The following ADAMTS3 variants were observed in gnomAD, a reference collection of about 807,000 sequenced individuals.
ADAMTS3 encodes the protein ADAM metallopeptidase with thrombospondin type 1 motif 3, also known as A disintegrin and metalloproteinase with thrombospondin motifs 3.
A neutral mutation model predicts 129.0 loss-of-function variants in ADAMTS3; 73 were observed. The ratio of observed to expected loss-of-function variants is 0.57; its 90% CI spans 0.47 to 0.69. ADAMTS3 has a LOEUF of 0.69. Among genes scored for constraint, ADAMTS3 ranks in the 30% least tolerant of loss-of-function variants. The pLI, the probability that ADAMTS3 is intolerant of heterozygous loss-of-function variation, is 0.00. For missense variants in ADAMTS3, 1,457 were observed against 1,514.5 expected, an observed-to-expected ratio of 0.96 and a Z score of 0.63; for synonymous variants, 477 against 510.8, an observed-to-expected ratio of 0.93 and a Z score of 0.89.
chr4:72,287,485 G>T (rs1450780051), intron 21 of ADAMTS3, among the ~76,000 whole-genome samples: 1 of 151,006 alleles, frequency 6.6e-6, no homozygotes, highest in African/African-American at 2.4e-5. Context: ...AAGGGAGACA[G>T]ACACATGGAA....
intron 3 of ADAMTS3, among the ~76,000 whole-genome samples, chr4:72,479,538 T>A (rs940622978): frequency 6.6e-6 from 1 of 152,178 alleles, no homozygotes; most frequent in African/African-American, 2.4e-5. Flanking sequence ...TATATAAAAG[T>A]TAACTCAAGA....
At chr4:72,448,433 C>G (rs1322630183) in intron 3 of ADAMTS3, among the ~76,000 whole-genome samples, 3 of 151,626 alleles carry the variant, frequency 2.0e-5, no homozygotes, top group African/African-American at 7.3e-5. Context: ...CTCTTAACAC[C>G]AAAGCATCGG....
chr4:72,386,712 A>G (rs1193782501), intron 4 of ADAMTS3, among the ~76,000 whole-genome samples: 4 of 152,138 alleles, frequency 2.6e-5, no homozygotes, highest in Admixed American at 2.6e-4. Context: ...AACTTTTCCA[A>G]CACTCTACAT....
chr4:72,333,453 T>A (rs888067578), intron 5 of ADAMTS3, among the ~76,000 whole-genome samples: 6 of 152,182 alleles, frequency 3.9e-5, no homozygotes, highest in African/African-American at 1.4e-4. Context: ...AAACTATCTA[T>A]TATTACTGCA....
At chr4:72,359,617 T>C (rs187465528) in intron 4 of ADAMTS3, among the ~76,000 whole-genome samples, 7 of 152,098 alleles carry the variant, frequency 4.6e-5, no homozygotes, top group African/African-American at 1.2e-4. Context: ...TGGACTCCAT[T>C]TGAATATGAA....
chr4:72,312,516 T>C lies in ADAMTS3; in HGVS notation c.1746-50A>G, dbSNP rs200306460. On this transcript the variant is annotated intron_variant, in intron 12 of 21. Coordinates refer to ENST00000286657, the MANE Select transcript of ADAMTS3 (RefSeq NM_014243.3). Reference sequence around the variant, plus strand: ...AGGCCTTTTGGCTTCTGTCTAGCAGTTGAAGCTTGCAGACACAGTGCTTGA... The same window carrying C: ...AGGCCTTTTGGCTTCTGTCTAGCAGCTGAAGCTTGCAGACACAGTGCTTGA... 3 of 1,585,384 alleles carry C rather than the reference T, an allele frequency of 1.9e-6. No individual in the cohort carries two copies. The African/African-American group carries it at 4.0e-5, about 21-fold the overall frequency.
At chr4:72,475,498 G>A (rs1042099217) in intron 3 of ADAMTS3, among the ~76,000 whole-genome samples, 2 of 151,734 alleles carry the variant, frequency 1.3e-5, no homozygotes, top group African/African-American at 4.8e-5. Context: ...CAACAGAGAC[G>A]CAAAACATAT....
At chr4:72,487,167 G>C (rs1388481857) in intron 3 of ADAMTS3, among the ~76,000 whole-genome samples, 1 of 152,066 alleles carries the variant, frequency 6.6e-6, no homozygotes, top group African/African-American at 2.4e-5. Flanking sequence ...TCAACTCTTA[G>C]ATCATTAAAT....
chr4:72,417,502 A>C (rs1227483960), intron 3 of ADAMTS3, among the ~76,000 whole-genome samples: 1 of 152,218 alleles, frequency 6.6e-6, no homozygotes, highest in Non-Finnish European at 1.5e-5. Context: ...GAAAGCAAAG[A>C]AAATTTAAGT....
chr4:72,541,313 G>A (rs968766464), intron 3 of ADAMTS3, among the ~76,000 whole-genome samples: 2 of 152,196 alleles, frequency 1.3e-5, no homozygotes, highest in African/African-American at 4.8e-5. Flanking sequence ...TGGAATGGGT[G>A]TATTTACCCA....
intron 3 of ADAMTS3, among the ~76,000 whole-genome samples, chr4:72,462,057 A>G (rs533835253): frequency 4.3e-4 from 66 of 152,048 alleles, no homozygotes; most frequent in Non-Finnish European, 6.6e-4. Context: ...CTGGCCTCAC[A>G]TAACTCACAC....
chr4:72,336,366 A>G (rs1286355971), intron 5 of ADAMTS3, among the ~76,000 whole-genome samples: 1 of 152,246 alleles, frequency 6.6e-6, no homozygotes, highest in Admixed American at 6.5e-5. Flanking sequence ...ATGAGAAATC[A>G]TAAAGCATGG....
chr4:72,492,784 A>T (rs1236417429), intron 3 of ADAMTS3, among the ~76,000 whole-genome samples: 1 of 151,818 alleles, frequency 6.6e-6, no homozygotes, highest in Non-Finnish European at 1.5e-5. Context: ...TGTTCCACCT[A>T]TTCTTGTAAA....
intron 18 of ADAMTS3, among the ~76,000 whole-genome samples, chr4:72,296,616 G>T (rs547785992): frequency 3.9e-4 from 59 of 151,934 alleles, no homozygotes; most frequent in African/African-American, 1.3e-3. Context: ...ATATAATTTT[G>T]CTGAACCATT....
intron 10 of ADAMTS3, among the ~76,000 whole-genome samples, chr4:72,318,006 G>T (rs1336333542): frequency 6.6e-6 from 1 of 151,482 alleles, no homozygotes; most frequent in African/African-American, 2.4e-5. Flanking sequence ...TCCAGCCTGG[G>T]CGACAGAGTG....
chr4:72,565,382 C>T (rs190343692), intron 2 of ADAMTS3, among the ~76,000 whole-genome samples: 22 of 152,164 alleles, frequency 1.4e-4, no homozygotes, highest in Admixed American at 1.1e-3. Context: ...AAATAAATAA[C>T]GTGTTCAGGA....
At position 72,330,486 on chromosome 4, in the gene ADAMTS3, G is replaced by T. The variant is rs993961206; in HGVS notation, c.862-7389C>A. On this transcript the variant is annotated intron_variant, in intron 5 of 21. Transcript: ENST00000286657. ...TTTCTTTTCTAAATATTTTATCCCAGTTACAGACTAAATCATCCTTGATTC... is the reference window on the plus strand; with the variant it reads ...TTTCTTTTCTAAATATTTTATCCCATTTACAGACTAAATCATCCTTGATTC... The T allele has an allele frequency of 2.0e-5, 3 of 152,140 alleles. 1 individual carries two copies. The highest frequency in any genetic ancestry group is 7.2e-5 in the African/African-American group (3 of 41,414). The allele number at this position is 152,140 out of a possible 1,614,324, so 9.4% of individuals were successfully genotyped here.
At chr4:72,504,737 A>T (rs1214539922) in intron 3 of ADAMTS3, among the ~76,000 whole-genome samples, 1 of 152,192 alleles carries the variant, frequency 6.6e-6, no homozygotes, top group African/African-American at 2.4e-5. Flanking sequence ...ACAAGATCCC[A>T]TATTTCTCAA....
rs1029304219 is a variant in ADAMTS3 at position 72,567,524 on chromosome 4, G to T, written c.70-123C>A. The T allele has an allele frequency of 6.4e-5, 60 of 944,424 alleles. No individual in the cohort carries two copies. The Middle Eastern group carries it at 6.4e-4, about 10-fold the overall frequency. The allele number at this position is 944,424 out of a possible 1,614,324, so 58.5% of individuals were successfully genotyped here. A position where few individuals can be genotyped will look rare whatever the true frequency, so the allele number is the denominator to read the frequency against. On this transcript the variant is annotated intron_variant, in intron 1 of 21. Transcript: ENST00000286657. ...ACTAATCAGGAGATGCTAGAGACTG[G>T]GATTGGTGCCTAAAGCCTGCACCTT...
Sources: gnomAD v4.1 joint callset for allele counts (sites outside exome capture counted in the v4.1 genomes callset) on GRCh38, gnomAD v4.1.1 for gene constraint, MANE v1.5 for transcripts, NCBI Gene and HGNC (gene_info 2026-07-23, HGNC 2026-07-21) for gene names.